The following LRRC4B variants were observed in gnomAD, a reference collection of about 807,000 sequenced individuals.
The protein encoded by LRRC4B is leucine-rich repeat-containing protein 4B.
A neutral mutation model predicts 7.3 loss-of-function variants in LRRC4B; 1 was observed. The ratio of observed to expected loss-of-function variants is 0.14; its 90% confidence interval spans 0.05 to 0.65. The LOEUF (loss-of-function observed/expected upper bound fraction) is 0.65. Ranked by LOEUF, LRRC4B falls within the 30% of genes least tolerant of loss-of-function variation. The pLI is 0.84. For synonymous variants in LRRC4B, 500 were observed against 499.2 expected (o/e 1.00, Z -0.02); for missense variants, 730 against 1,041.6 (o/e 0.70, Z 4.12).
chr19:50,521,179 C>T (rs569971268), intron 2 of LRRC4B, among the ~76,000 whole-genome samples: 17 of 152,254 alleles, frequency 1.1e-4, no homozygotes, highest in Non-Finnish European at 2.4e-4. Flanking sequence ...GAGCAAAAGA[C>T]GCCGAACACA....
At position 50,564,695 on chromosome 19, in the gene LRRC4B, T is replaced by A. The variant is rs575839827; in HGVS notation, c.-36+3249A>T. Among the ~76,000 whole-genome samples the A allele has an allele frequency of 2.0e-4, 31 of 151,446 alleles. 1 individual carries two copies. The Middle Eastern group carries it at 0.017, about 83-fold the overall frequency. On this transcript the variant is annotated intron_variant, in intron 1 of 2. Coordinates refer to ENST00000652263, the MANE Select transcript of LRRC4B (RefSeq NM_001080457.2). Reference sequence around the variant, plus strand: ...GGTCCAGGTGACACCTCGAGACAGATGCCCGGCCAGAGAGAGTGGGGTGAG... The same window carrying A: ...GGTCCAGGTGACACCTCGAGACAGAAGCCCGGCCAGAGAGAGTGGGGTGAG...
Position 50,517,813 on chromosome 19 carries a change from C to T in LRRC4B, c.1900G>A (p.Ala634Thr), listed in dbSNP as rs1196509011. The change falls in exon 3 of 3, where the codon GCC (alanine) becomes ACC (threonine). Residue 634 changes from alanine to threonine, a missense_variant. By Grantham distance (58) the Ala-to-Thr change is moderately conservative (BLOSUM62 0). Around this residue, in one of 6 missense-constraint regions of LRRC4B, gnomAD observed 160 missense variants for 163.9 expected, o/e 0.98. Coordinates refer to ENST00000652263, the MANE Select transcript of LRRC4B (RefSeq NM_001080457.2). The surrounding 1 kb of genome is among the most constrained non-coding windows in gnomAD (Gnocchi z 6.6). ...LPAASAVSVAAAAAVASGGGV... is the reference protein window; with the variant it reads ...LPAASAVSVATAAAVASGGGV... Reference sequence around the variant, plus strand: ...CCCCCACTGGCCACGGCGGCCGCGGCGGCCACGGACACGGCCGAGGCGGCG... The same window carrying T: ...CCCCCACTGGCCACGGCGGCCGCGGTGGCCACGGACACGGCCGAGGCGGCG... 1.9e-6 allele frequency: 3 copies of T among 1,554,468 alleles called. No individual in the cohort carries two copies. The highest frequency in any genetic ancestry group is 2.6e-6 in the Non-Finnish European group (3 of 1,156,508).
intron 2 of LRRC4B, among the ~76,000 whole-genome samples, chr19:50,528,531 G>A (rs536799009): frequency 1.3e-5 from 2 of 152,186 alleles, no homozygotes; most frequent in East Asian, 3.9e-4. Flanking sequence ...TTTTAGTAGA[G>A]ACAGCATTTC....
chr19:50,552,257 T>C (rs917609270), intron 1 of LRRC4B, among the ~76,000 whole-genome samples: 8 of 146,210 alleles, frequency 5.5e-5, no homozygotes, highest in African/African-American at 2.0e-4. Flanking sequence ...CCCAGCGTTT[T>C]CCTGCAGATG....
Position 50,537,623 on chromosome 19 carries a change from T to C in LRRC4B, c.297+10919A>G, listed in dbSNP as rs1333712594. 6.6e-6 allele frequency among the ~76,000 whole-genome samples: 1 copy of C among 152,176 alleles called. No homozygotes were observed. Among genetic ancestry groups the C allele is most frequent in the East Asian group, 1.9e-4 (1 of 5,190 alleles). On this transcript the variant is annotated intron_variant, in intron 2 of 2. Transcript: ENST00000652263. This position sits in a 1 kb window ranked among gnomAD's most constrained non-coding sequence, Gnocchi z 5.5. ...GTGGCTTTGCAGGACGCCAAGCAAT[T>C]CTACGCCTTTGTCAATTTAACTTTA...
At chr19:50,541,745 C>T (rs1263700308) in intron 2 of LRRC4B, among the ~76,000 whole-genome samples, 1 of 152,174 alleles carries the variant, frequency 6.6e-6, no homozygotes, top group Non-Finnish European at 1.5e-5. Flanking sequence ...AAATTAAGTA[C>T]ATGAATATCC....
chr19:50,546,544 G>A (rs1197461198), intron 2 of LRRC4B, among the ~76,000 whole-genome samples: 2 of 152,158 alleles, frequency 1.3e-5, no homozygotes, highest in Admixed American at 6.5e-5. Flanking sequence ...CCCTGGGTGG[G>A]GAGGATGAGA....
At position 50,537,473 on chromosome 19, in the gene LRRC4B, C is replaced by T. The variant is rs776577391; in HGVS notation, c.297+11069G>A. ...AGGCAGGCTCAGAGAGGTGACTCAA[C>T]GCCTTAGCGTCATTCGTGGAGGGGA... On this transcript the variant is annotated intron_variant, in intron 2 of 2. Transcript: ENST00000652263. The surrounding 1 kb of genome is among the most constrained non-coding windows in gnomAD (Gnocchi z 5.5). Among the ~76,000 whole-genome samples the T allele has an allele frequency of 2.7e-4, 41 of 152,182 alleles. No homozygotes were observed. Among genetic ancestry groups the T allele is most frequent in the Non-Finnish European group, 5.3e-4 (36 of 68,048 alleles).
At chr19:50,532,856 C>A (rs1019389348) in intron 2 of LRRC4B, among the ~76,000 whole-genome samples, 1 of 152,170 alleles carries the variant, frequency 6.6e-6, no homozygotes, top group African/African-American at 2.4e-5. Context: ...TTGGGGAACA[C>A]CCTGGTTGTG....
chr19:50,538,322 C>G (rs984830201), intron 2 of LRRC4B, among the ~76,000 whole-genome samples: 55 of 152,006 alleles, frequency 3.6e-4, no homozygotes, highest in African/African-American at 1.2e-3. Flanking sequence ...CTCGGCCTCC[C>G]GAAGTGGTGG....
chr19:50,535,064 T>C (rs192165705), intron 2 of LRRC4B, among the ~76,000 whole-genome samples: 3 of 151,946 alleles, frequency 2.0e-5, no homozygotes, highest in Admixed American at 2.0e-4. Flanking sequence ...GAGACAGGGT[T>C]TCACTGTGTT....
At chr19:50,565,578 C>A (rs1982603790) in intron 1 of LRRC4B, among the ~76,000 whole-genome samples, 1 of 150,452 alleles carries the variant, frequency 6.6e-6, no homozygotes, top group South Asian at 2.1e-4. Context: ...CCAGGGGAAT[C>A]TTTGCCTCCA....
Position 50,539,405 on chromosome 19 carries a change from C to T in LRRC4B, c.297+9137G>A, listed in dbSNP as rs186516219. ...CCATAAGATGGGAGAAGTCATCCTG[C>T]CCTCACAGGAATAAATGGGGTTAGA... On this transcript the variant is annotated intron_variant, in intron 2 of 2. Coordinates refer to ENST00000652263, the MANE Select transcript of LRRC4B (RefSeq NM_001080457.2). Among the ~76,000 whole-genome samples, 304 of 152,302 alleles carry T rather than the reference C, an allele frequency of 2.0e-3. 1 individual carries two copies. The highest frequency in any genetic ancestry group is 7.0e-3 in the African/African-American group (290 of 41,558).
chr19:50,554,525 T>C (rs1982206360), intron 1 of LRRC4B, among the ~76,000 whole-genome samples: 2 of 152,134 alleles, frequency 1.3e-5, no homozygotes, highest in South Asian at 4.1e-4. Context: ...TACAGCTGCA[T>C]ACTGAGAGGG....
chr19:50,559,512 C>G (rs1444408289), intron 1 of LRRC4B, among the ~76,000 whole-genome samples: 1 of 152,358 alleles, frequency 6.6e-6, no homozygotes, highest in South Asian at 2.1e-4. Flanking sequence ...GCTTAACACC[C>G]CTGAACTGAA....
In LRRC4B at chr19:50,516,985, A is replaced by C. The variant is rs1477352538; in HGVS notation, c.*586T>G. 3.4e-5 allele frequency: 5 copies of C among 147,286 alleles called. No homozygotes were observed. Among genetic ancestry groups the C allele is most frequent in the African/African-American group, 1.2e-4 (5 of 40,396 alleles). 9.1% of individuals were successfully genotyped at this position (147,286 alleles called of 1,614,324 possible). ...TAGTCGTTGACGCAAACCTCCCTTC[A>C]GTATCAAAAGTGTCTGTGGGGCAGG... On this transcript the variant is annotated 3_prime_UTR_variant, in exon 3 of 3. Coordinates refer to ENST00000652263, the MANE Select transcript of LRRC4B (RefSeq NM_001080457.2).
chr19:50,562,748 T>TTG (rs1555810034), intron 1 of LRRC4B, among the ~76,000 whole-genome samples: 1 of 150,470 alleles, frequency 6.6e-6, no homozygotes, highest in African/African-American at 2.5e-5. Flanking sequence ...TTTTGTTTTT[T>TTG]TTTTTTTGGC....
chr19:50,550,467 C>T (rs923410457), intron 1 of LRRC4B, among the ~76,000 whole-genome samples: 4 of 95,374 alleles, frequency 4.2e-5, no homozygotes, highest in Non-Finnish European at 9.4e-5. Flanking sequence ...CAGGACCCCC[C>T]TCTCACGGTG....
At chr19:50,541,607 C>A (rs1981553602) in intron 2 of LRRC4B, among the ~76,000 whole-genome samples, 1 of 152,054 alleles carries the variant, frequency 6.6e-6, no homozygotes. Flanking sequence ...TAATAATTTC[C>A]TTAGGATGGA....
Sources: gnomAD v4.1 joint callset for allele counts (sites outside exome capture counted in the v4.1 genomes callset) on GRCh38, gnomAD v4.1.1 for gene constraint, gnomAD v4.1.1 regional missense constraint, Gnocchi (gnomAD v3.1) non-coding constraint, MANE v1.5 for transcripts, NCBI Gene and HGNC (gene_info 2026-07-23, HGNC 2026-07-21) for gene names.